NKAIN3: variants seen among roughly 807,000 people sequenced by gnomAD.
NKAIN3 encodes sodium/potassium-transporting ATPase subunit beta-1-interacting protein 3.
In NKAIN3, 25 loss-of-function variants were observed where a neutral mutation model predicts 30.2. The observed-to-expected ratio is 0.83, with a 90% CI of 0.60 to 1.16. The LOEUF (loss-of-function observed/expected upper bound fraction) is 1.16. Ranked by LOEUF, NKAIN3 falls within the 50% of genes most tolerant of loss-of-function variation. NKAIN3 has a pLI of 0.00. For synonymous variants in NKAIN3, 91 were observed against 89.6 expected (o/e 1.02, Z -0.09); for missense variants, 225 against 254.1 (o/e 0.89, Z 0.78).
At chr8:62,260,953 T>C (rs949499784) in intron 1 of NKAIN3, among the ~76,000 whole-genome samples, 4 of 152,290 alleles carry the variant, frequency 2.6e-5, no homozygotes, top group African/African-American at 9.6e-5. Flanking sequence ...ATCTATTGAG[T>C]ATCTCTTCCC....
intron 4 of NKAIN3, among the ~76,000 whole-genome samples, chr8:62,767,149 G>A (rs900584846): frequency 4.6e-5 from 7 of 152,106 alleles, no homozygotes; most frequent in Admixed American, 2.6e-4. Context: ...TGGTGAAGGT[G>A]GGTTCTCATT....
intron 4 of NKAIN3, among the ~76,000 whole-genome samples, chr8:62,832,466 A>C (rs1819227544): frequency 1.3e-5 from 2 of 151,326 alleles, no homozygotes; most frequent in South Asian, 4.1e-4. Context: ...CCAGGTGGAT[A>C]AAAAGCGAAA....
chr8:62,453,948 G>T (rs1805729320), intron 1 of NKAIN3, among the ~76,000 whole-genome samples: 1 of 152,138 alleles, frequency 6.6e-6, no homozygotes, highest in South Asian at 2.1e-4. Context: ...CACCTTCCTT[G>T]TATAAGGAAG....
At position 62,528,195 on chromosome 8, in the gene NKAIN3, C is replaced by T. The variant is rs576049751; in HGVS notation, c.55-51344C>T. 1.8e-4 allele frequency among the ~76,000 whole-genome samples: 26 copies of T among 148,238 alleles called. No individual in the cohort carries two copies. In the South Asian group the frequency reaches 2.8e-3, roughly 16 times the overall value. The stretch of plus-strand genomic sequence containing the variant: ...CCTGATATATATATATATACTTGGA[C>T]GTAAAGATAGGAACAATAGGCACTG... On this transcript the variant is annotated intron_variant, in intron 1 of 6. Transcript: ENST00000623646.
Position 62,690,486 on chromosome 8 carries a change from G to A in NKAIN3, c.274-56446G>A, listed in dbSNP as rs11994514. ...CGGAAGTACACGCTACTATGCTACGGCAGATGTACAATCTGGGAAGTTTTC... is the reference window on the plus strand; with the variant it reads ...CGGAAGTACACGCTACTATGCTACGACAGATGTACAATCTGGGAAGTTTTC... On this transcript the variant is annotated intron_variant, in intron 3 of 6. Coordinates refer to ENST00000623646, the MANE Select transcript of NKAIN3 (RefSeq NM_001304533.3). Among the ~76,000 whole-genome samples the A allele has an allele frequency of 4.2e-3, 639 of 152,334 alleles. 6 individuals carry two copies. Among genetic ancestry groups the A allele is most frequent in the African/African-American group, 0.015 (615 of 41,574 alleles).
At chr8:62,933,135 G>C (rs1366333745) in intron 5 of NKAIN3, among the ~76,000 whole-genome samples, 1 of 151,936 alleles carries the variant, frequency 6.6e-6, no homozygotes, top group Non-Finnish European at 1.5e-5. Context: ...TTTAATCTTG[G>C]GAATATGATC....
At chr8:62,417,172 G>A (rs1027541165) in intron 1 of NKAIN3, among the ~76,000 whole-genome samples, 1 of 151,816 alleles carries the variant, frequency 6.6e-6, no homozygotes, top group Non-Finnish European at 1.5e-5. Flanking sequence ...CTATCTCCAT[G>A]AGTTCAATTG....
At chr8:62,557,414 G>A (rs1809435141) in intron 1 of NKAIN3, among the ~76,000 whole-genome samples, 1 of 152,078 alleles carries the variant, frequency 6.6e-6, no homozygotes, top group South Asian at 2.1e-4. Context: ...CCTTTAGGTA[G>A]ATACCCTGTA....
At chr8:62,254,979 A>G (rs1207196466) in intron 1 of NKAIN3, among the ~76,000 whole-genome samples, 1 of 152,240 alleles carries the variant, frequency 6.6e-6, no homozygotes, top group African/African-American at 2.4e-5. Flanking sequence ...ACACTCTGAC[A>G]GCAAACTGCT....
chr8:62,716,467 G>T (rs1814906967), intron 3 of NKAIN3, among the ~76,000 whole-genome samples: 1 of 152,138 alleles, frequency 6.6e-6, no homozygotes, highest in South Asian at 2.1e-4. Context: ...TTGTACATTA[G>T]AAGCTATGTG....
At chr8:62,563,853 A>G (rs1006228868) in intron 1 of NKAIN3, among the ~76,000 whole-genome samples, 6 of 152,152 alleles carry the variant, frequency 3.9e-5, no homozygotes, top group Non-Finnish European at 8.8e-5. Flanking sequence ...TTCTCCATGC[A>G]CACACTGACA....
intron 1 of NKAIN3, among the ~76,000 whole-genome samples, chr8:62,536,742 A>C (rs1278975536): frequency 6.6e-6 from 1 of 152,190 alleles, no homozygotes; most frequent in Admixed American, 6.5e-5. Flanking sequence ...TAGAGTTCAG[A>C]TGGGTTACTT....
intron 4 of NKAIN3, among the ~76,000 whole-genome samples, chr8:62,766,851 A>C (rs1816854250): frequency 6.6e-6 from 1 of 152,188 alleles, no homozygotes; most frequent in African/African-American, 2.4e-5. Context: ...ATGACATTCC[A>C]GGATGCCCTG....
chr8:62,983,657 C>T lies in NKAIN3; in HGVS notation c.*18250C>T, dbSNP rs1824138456. Reference sequence around the variant, plus strand: ...GAGACTGAAGTCCTCCTAGACCGCCCCATTCATCTGAGTAGTTAGGGCTCT... The same window carrying T: ...GAGACTGAAGTCCTCCTAGACCGCCTCATTCATCTGAGTAGTTAGGGCTCT... On this transcript the variant is annotated 3_prime_UTR_variant, in exon 7 of 7. Transcript: ENST00000623646. The T allele has an allele frequency of 6.6e-6, 1 of 152,168 alleles. No individual in the cohort carries two copies. Among genetic ancestry groups the T allele is most frequent in the Non-Finnish European group, 1.5e-5 (1 of 68,040 alleles). 9.4% of individuals were successfully genotyped at this position (152,168 alleles called of 1,614,324 possible).
At chr8:62,347,825 C>T (rs1484062098) in intron 1 of NKAIN3, among the ~76,000 whole-genome samples, 1 of 152,010 alleles carries the variant, frequency 6.6e-6, no homozygotes, top group Non-Finnish European at 1.5e-5. Flanking sequence ...AAAGCAAGAG[C>T]TACTCATTCT....
At chr8:62,329,059 A>G (rs1195003609) in intron 1 of NKAIN3, among the ~76,000 whole-genome samples, 1 of 151,988 alleles carries the variant, frequency 6.6e-6, no homozygotes, top group African/African-American at 2.4e-5. Context: ...CCAGGAGGTG[A>G]GGATCTAAAG....
chr8:62,599,814 C>A (rs898905648), intron 3 of NKAIN3, among the ~76,000 whole-genome samples: 3 of 151,996 alleles, frequency 2.0e-5, no homozygotes, highest in Admixed American at 2.0e-4. Flanking sequence ...GTGTCCCTAC[C>A]ACTTCCCCTA....
At chr8:62,509,334 G>A (rs953959526) in intron 1 of NKAIN3, among the ~76,000 whole-genome samples, 8 of 151,874 alleles carry the variant, frequency 5.3e-5, no homozygotes, top group African/African-American at 1.9e-4. Context: ...TTGACCACCC[G>A]CCACACCCTT....
At chr8:62,756,968 A>G (rs1018893576) in intron 4 of NKAIN3, among the ~76,000 whole-genome samples, 8 of 152,150 alleles carry the variant, frequency 5.3e-5, no homozygotes, top group African/African-American at 1.9e-4. Context: ...ATCTCCAAAT[A>G]TTGATTATTA....
Sources: allele counts gnomAD v4.1 joint callset (sites outside exome capture counted in the v4.1 genomes callset), GRCh38; gene constraint gnomAD v4.1.1; transcripts MANE v1.5; gene names NCBI Gene and HGNC (gene_info 2026-07-23, HGNC 2026-07-21).